Variants in FAT2 observed in about 807,000 individuals in gnomAD.
The protein encoded by FAT2 is FAT atypical cadherin 2, also known as protocadherin Fat 2.
In FAT2, 150 loss-of-function variants were observed where a neutral mutation model predicts 295.3. That is an observed-to-expected ratio of 0.51 (90% CI 0.44 to 0.58). The LOEUF is 0.58. FAT2 is among the 20% of genes least tolerant of loss of function. The pLI is 0.00. For synonymous variants in FAT2, 2,026 were observed against 2,150.3 expected (o/e 0.94, Z 1.60); for missense variants, 4,868 against 5,442.7 (o/e 0.89, Z 3.32).
At chr5:151,590,348 C>G (rs1937468033) in intron 1 of FAT2, among the ~76,000 whole-genome samples, 2 of 152,224 alleles carry the variant, frequency 1.3e-5, no homozygotes, top group South Asian at 2.1e-4. Context: ...AACTTCTGCA[C>G]TGCCTCACTG....
chr5:151,558,453 T>C (rs1240138216), intron 3 of FAT2, among the ~76,000 whole-genome samples: 1 of 152,012 alleles, frequency 6.6e-6, no homozygotes, highest in Non-Finnish European at 1.5e-5. Flanking sequence ...TCATCTCTAC[T>C]AAAAATACAA....
Position 151,505,680 on chromosome 5 carries a change from C to G in FAT2, c.12935G>C (p.Cys4312Ser), listed in dbSNP as rs372156793. ...LSRAGPSYAV[C>S]EVEGAPLAGQ... ...TGCAAGAGGTGCCCCCTCCACCTCA[C>G]AGACAGCATAAGAGGGCCCAGCTCG... Residue 4312 changes from cysteine (C) to serine (S), a missense_variant, in exon 24 of 24, where the codon TGT (cysteine) becomes TCT (serine). Around this residue, in one of 5 missense-constraint regions of FAT2, gnomAD observed 492 missense variants for 482.6 expected, o/e 1.02. Coordinates refer to ENST00000261800, the MANE Select transcript of FAT2 (RefSeq NM_001447.3). The G allele has an allele frequency of 6.2e-7, 1 of 1,613,980 alleles. No homozygotes were observed. The highest frequency in any genetic ancestry group is 1.3e-5 in the African/African-American group (1 of 74,940).
intron 3 of FAT2, among the ~76,000 whole-genome samples, chr5:151,559,647 C>CTGTGTGTGTG (rs145392136): frequency 5.9e-5 from 9 of 151,816 alleles, no homozygotes; most frequent in African/African-American, 2.2e-4. Flanking sequence ...GCCTCTCTCT[C>CTGTGTGTGTG]TGTGTGTGTG....
chr5:151,576,071 C>T (rs1758736793), intron 1 of FAT2, among the ~76,000 whole-genome samples: 1 of 152,130 alleles, frequency 6.6e-6, no homozygotes, highest in Non-Finnish European at 1.5e-5. Context: ...ATCTGTAAGG[C>T]AGAGTGGGCA....
chr5:151,526,516 T>C (rs1318668815), intron 17 of FAT2, among the ~76,000 whole-genome samples: 1 of 152,248 alleles, frequency 6.6e-6, no homozygotes, highest in East Asian at 1.9e-4. Flanking sequence ...AACACAATGG[T>C]TGCTAACTAT....
chr5:151,505,531 G>C lies in FAT2; in HGVS notation c.*34C>G. ...AAGAAATAAGCCAAGTCCAGTCCTTGGCCTCCCGCCTGCCTTGCTCTGGGA... is the reference window on the plus strand; with the variant it reads ...AAGAAATAAGCCAAGTCCAGTCCTTCGCCTCCCGCCTGCCTTGCTCTGGGA... On this transcript the variant is annotated 3_prime_UTR_variant, in exon 24 of 24. Coordinates refer to ENST00000261800, the MANE Select transcript of FAT2 (RefSeq NM_001447.3). 1.2e-6 allele frequency: 2 copies of C among 1,612,438 alleles called. No homozygotes were observed. The highest frequency in any genetic ancestry group is 4.5e-5 in the East Asian group (2 of 44,850).
intron 6 of FAT2, 92 bp from the exon 7 acceptor site, chr5:151,551,698 C>A: frequency 7.2e-7 from 1 of 1,388,852 alleles, no homozygotes; most frequent in Non-Finnish European, 1.0e-6. Flanking sequence ...TCAGAGGACA[C>A]GGTGGTAAAT....
At position 151,554,633 on chromosome 5, in the gene FAT2, G is replaced by A. The variant is rs1170964283; in HGVS notation, c.3674C>T (p.Thr1225Ile). ...LDNGEPSLKS[T>I]SRVVVGILDV... ...CAAGATGCCTACCACCACCCTGGAG[G>A]TGGACTTCAGTGAGGGTTCCCCATT... Residue 1225 changes from threonine (T) to isoleucine (I), a missense_variant, in exon 5 of 24, where the codon ACC (threonine) becomes ATC (isoleucine). Thr to Ile is a moderately conservative substitution (Grantham distance 89, BLOSUM62 -1). Around this residue, in one of 5 missense-constraint regions of FAT2, gnomAD observed 3,297 missense variants for 3,669.4 expected, o/e 0.90. Transcript: ENST00000261800. 6.2e-7 allele frequency: 1 copy of A among 1,613,862 alleles called. No individual in the cohort carries two copies. Among genetic ancestry groups the A allele is most frequent in the Non-Finnish European group, 8.5e-7 (1 of 1,180,028 alleles).
chr5:151,545,206 CA>C lies in FAT2; in HGVS notation c.5920del (p.Trp1974GlyfsTer4). ...KSLQFDQDVY[W>X]AAVKENLQDR... ...CTGCAAGTTCTCCTTCACAGCTGCC[CA>C]GTAGACATCCTGATCAAACTGCAAG... On this transcript the variant is annotated frameshift_variant, in exon 10 of 24. Transcript: ENST00000261800. LOFTEE classifies it high-confidence loss of function. The C allele has an allele frequency of 6.2e-7, 1 of 1,614,154 alleles. No individual in the cohort carries two copies. The highest frequency in any genetic ancestry group is 8.5e-7 in the Non-Finnish European group (1 of 1,180,034).
intron 3 of FAT2, among the ~76,000 whole-genome samples, chr5:151,561,997 A>C (rs536878345): frequency 1.0e-3 from 156 of 152,182 alleles, no homozygotes; most frequent in Non-Finnish European, 1.7e-3. Context: ...ACTCCTGAAG[A>C]GGGAGGGACA....
At chr5:151,577,473 C>G (rs1758789151) in intron 1 of FAT2, among the ~76,000 whole-genome samples, 2 of 151,908 alleles carry the variant, frequency 1.3e-5, no homozygotes, top group Admixed American at 1.3e-4. Context: ...CAGAGAGAGA[C>G]AATAAACAAG....
intron 23 of FAT2, 54 bp from the exon 24 acceptor site, chr5:151,506,151 G>A (rs1581259239): frequency 6.7e-7 from 1 of 1,487,734 alleles, no homozygotes; most frequent in Non-Finnish European, 8.9e-7. Flanking sequence ...GAAGGTTTCA[G>A]CTGGCTCTAT....
chr5:151,567,377 G>T lies in FAT2; in HGVS notation c.1555C>A (p.Pro519Thr). 1 of 1,614,150 alleles carries T rather than the reference G, an allele frequency of 6.2e-7. No homozygotes were observed. The highest frequency in any genetic ancestry group is 8.5e-7 in the Non-Finnish European group (1 of 1,179,980). ...PYLGIISTSK[P>T]MDYELMKRIY... Reference sequence around the variant, plus strand: ...CTTTTCATGAGTTCATAGTCCATGGGTTTGGAGGTGGAGATGATCCCCAGG... The same window carrying T: ...CTTTTCATGAGTTCATAGTCCATGGTTTTGGAGGTGGAGATGATCCCCAGG... The change falls in exon 2 of 24, where the codon CCC becomes ACC. Residue 519 changes from proline (P) to threonine (T), a missense_variant. Physicochemically the swap from Pro to Thr is conservative, Grantham distance 38. Coordinates refer to ENST00000261800, the MANE Select transcript of FAT2 (RefSeq NM_001447.3).
Position 151,546,186 on chromosome 5 carries a change from G to T in FAT2, c.4941C>A (p.Ile1647=). 1 of 1,614,154 alleles carries T rather than the reference G, an allele frequency of 6.2e-7. No individual in the cohort carries two copies. The highest frequency in any genetic ancestry group is 1.1e-5 in the South Asian group (1 of 91,078). Residue 1647 remains isoleucine (I), a synonymous_variant, in exon 10 of 24, where the codon ATC becomes ATA. Transcript: ENST00000261800. ...SPQWHDLATV[I]IHVYPSDRSA... is the part of the protein sequence containing the mutation. Reference sequence around the variant, plus strand: ...TCCTATCTGAGGGATAGACATGAATGATCACTGTAGCCAGGTCATGCCATT... The same window carrying T: ...TCCTATCTGAGGGATAGACATGAATTATCACTGTAGCCAGGTCATGCCATT...
At chr5:151,538,732 C>T (rs925321580) in intron 11 of FAT2, among the ~76,000 whole-genome samples, 2 of 152,182 alleles carry the variant, frequency 1.3e-5, no homozygotes, top group Admixed American at 6.5e-5. Context: ...GGCTTGAGTG[C>T]AGTGGCACGA....
chr5:151,581,593 G>A (rs1047276015), intron 1 of FAT2, among the ~76,000 whole-genome samples: 10 of 152,232 alleles, frequency 6.6e-5, no homozygotes, highest in African/African-American at 2.4e-4. Flanking sequence ...CCTGTGGTGA[G>A]CACTTGGCAG....
chr5:151,550,172 G>A (rs1757051695), intron 8 of FAT2, among the ~76,000 whole-genome samples: 1 of 152,182 alleles, frequency 6.6e-6, no homozygotes, highest in African/African-American at 2.4e-5. Flanking sequence ...TAAAAATGCA[G>A]GCACATGGCC....
At position 151,531,367 on chromosome 5, in the gene FAT2, G is replaced by A. The variant is rs1307058081; in HGVS notation, c.9811+220C>T. Among the ~76,000 whole-genome samples the A allele has an allele frequency of 6.6e-6, 1 of 152,182 alleles. No individual in the cohort carries two copies. The highest frequency in any genetic ancestry group is 1.5e-5 in the Non-Finnish European group (1 of 68,022). ...TGGACACAGAGACCTGGCTGCGGAC[G>A]TGGGAGGGTCCCGTTTAAGGGAGGC... is the stretch of plus-strand genomic sequence containing the variant. On this transcript the variant is annotated intron_variant, in intron 14 of 23. Transcript: ENST00000261800. This position sits in a 1 kb window ranked among gnomAD's most constrained non-coding sequence, Gnocchi z 5.7.
In FAT2 at chr5:151,575,527, A is replaced by G. The variant is rs1313180634; in HGVS notation, c.-20-6576T>C. 2.6e-5 allele frequency among the ~76,000 whole-genome samples: 4 copies of G among 152,234 alleles called. 1 individual carries two copies. The East Asian group carries it at 7.7e-4, about 29-fold the overall frequency. On this transcript the variant is annotated intron_variant, in intron 1 of 23. Transcript: ENST00000261800. The stretch of plus-strand genomic sequence containing the variant: ...CTCCTGGAGTTGTTGAGAAGGCTGA[A>G]TGAGGTAAAGTACGGCAAATACCTA...
Sources: gnomAD v4.1 joint callset for allele counts (sites outside exome capture counted in the v4.1 genomes callset) on GRCh38, gnomAD v4.1.1 for gene constraint, gnomAD v4.1.1 regional missense constraint, Gnocchi (gnomAD v3.1) non-coding constraint, MANE v1.5 for transcripts, NCBI Gene and HGNC (gene_info 2026-07-23, HGNC 2026-07-21) for gene names.